The following LPAR6 variants were observed in gnomAD, a reference collection of about 807,000 sequenced individuals.
LPAR6 encodes the protein lysophosphatidic acid receptor 6.
A neutral mutation model predicts 22.0 loss-of-function variants in LPAR6; 17 were observed. That is an observed-to-expected ratio of 0.77 (90% CI 0.53 to 1.16). LPAR6 has a LOEUF of 1.16. LPAR6 is among the 50% of genes most tolerant of loss of function. The pLI is 0.00. For missense variants in LPAR6, 384 were observed against 406.9 expected (o/e 0.94, Z 0.48); for synonymous variants, 136 against 139.8 (o/e 0.97, Z 0.19).
At chr13:48,423,360 C>T (rs774719727) in intron 1 of LPAR6, among the ~76,000 whole-genome samples, 2 of 151,924 alleles carry the variant, frequency 1.3e-5, no homozygotes, top group African/African-American at 4.8e-5. Context: ...CTGCAACCTC[C>T]GCAGGTTGGG....
chr13:48,437,590 G>A (rs1949196919), intron 1 of LPAR6, among the ~76,000 whole-genome samples: 1 of 152,182 alleles, frequency 6.6e-6, no homozygotes, highest in African/African-American at 2.4e-5. Context: ...GTTCACTCGT[G>A]TGGTTGTTGG....
chr13:48,396,385 A>C (rs1948648423), intron 1 of LPAR6, among the ~76,000 whole-genome samples: 1 of 152,226 alleles, frequency 6.6e-6, no homozygotes, highest in Non-Finnish European at 1.5e-5. Flanking sequence ...TGACAAAAAC[A>C]ACCAATGGGG....
intron 1 of LPAR6, among the ~76,000 whole-genome samples, chr13:48,396,159 A>G (rs1237095849): frequency 6.6e-6 from 1 of 152,196 alleles, no homozygotes; most frequent in East Asian, 1.9e-4. Flanking sequence ...TAAATTTTAT[A>G]TAGAACCTAA....
At chr13:48,437,355 T>C (rs1269933369) in intron 1 of LPAR6, among the ~76,000 whole-genome samples, 3 of 152,210 alleles carry the variant, frequency 2.0e-5, no homozygotes, top group Non-Finnish European at 2.9e-5. Flanking sequence ...AAGTTAAGTA[T>C]TCCATGAAAT....
At chr13:48,399,734 C>G (rs979042235) in intron 1 of LPAR6, among the ~76,000 whole-genome samples, 3 of 151,950 alleles carry the variant, frequency 2.0e-5, no homozygotes, top group African/African-American at 4.8e-5. Context: ...TCATCCAGAT[C>G]TGTTTATGAT....
chr13:48,414,950 C>A (rs12430215), upstream of LPAR6, among the ~76,000 whole-genome samples: 1 of 151,774 alleles, frequency 6.6e-6, no homozygotes, highest in Non-Finnish European at 1.5e-5. Flanking sequence ...AGCTTGTATT[C>A]TCATTGGAAA....
Position 48,389,648 on chromosome 13 carries a change from T to A in LPAR6, n.279A>T, listed in dbSNP as rs406098. Reference sequence around the variant, plus strand: ...GGGTTGAACTTGACTGGGTGGTTTGTCTCCGACTATGTGTCAGCAGGTGCC... The same window carrying A: ...GGGTTGAACTTGACTGGGTGGTTTGACTCCGACTATGTGTCAGCAGGTGCC... On this transcript the variant is annotated non_coding_transcript_exon_variant, in exon 2 of 2. Transcript: ENST00000462781. 393 of 152,138 alleles carry A rather than the reference T, an allele frequency of 2.6e-3. 1 individual carries two copies. Among genetic ancestry groups the A allele is most frequent in the African/African-American group, 9.0e-3 (374 of 41,456 alleles). 9.4% of individuals were successfully genotyped at this position (152,138 alleles called of 1,614,324 possible). A position where few individuals can be genotyped will look rare whatever the true frequency, so the allele number is the denominator to read the frequency against.
chr13:48,433,787 A>G (rs933421249), intron 1 of LPAR6, among the ~76,000 whole-genome samples: 4 of 151,888 alleles, frequency 2.6e-5, no homozygotes, highest in African/African-American at 9.7e-5. Context: ...TGGCTTATTC[A>G]GATTTATTCC....
chr13:48,440,512 C>A (rs142329855), intron 1 of LPAR6, among the ~76,000 whole-genome samples: 4 of 152,080 alleles, frequency 2.6e-5, no homozygotes, highest in African/African-American at 9.7e-5. Flanking sequence ...GGCACATGAT[C>A]CAAAGTTTAA....
chr13:48,409,548 G>C (rs1593477580), downstream of LPAR6, among the ~76,000 whole-genome samples: 1 of 122,700 alleles, frequency 8.1e-6, no homozygotes, highest in Non-Finnish European at 1.7e-5. Context: ...TTCTTTTTTA[G>C]TTAACTTTGG....
intron 2 of LPAR6, among the ~76,000 whole-genome samples, chr13:48,421,004 T>C (rs1593499028): frequency 1.3e-5 from 2 of 152,148 alleles, no homozygotes; most frequent in Non-Finnish European, 2.9e-5. Flanking sequence ...CGAGCTACCA[T>C]TGACTTCCTT....
downstream of LPAR6, among the ~76,000 whole-genome samples, chr13:48,408,996 A>G (rs1948764433): frequency 6.6e-6 from 1 of 152,144 alleles, no homozygotes; most frequent in African/African-American, 2.4e-5. Flanking sequence ...ATGTTTAAGA[A>G]AGAGTGTATT....
intron 1 of LPAR6, among the ~76,000 whole-genome samples, chr13:48,425,693 G>GA (rs143703157): frequency 0.044 from 6,601 of 149,362 alleles, 354 homozygotes; most frequent in African/African-American, 0.13. Context: ...ACTCTTAAAG[G>GA]AAAAAAAAAA....
upstream of LPAR6, among the ~76,000 whole-genome samples, chr13:48,430,770 A>AAC (rs1566223583): frequency 4.4e-4 from 66 of 150,532 alleles, no homozygotes; most frequent in South Asian, 3.4e-3. Context: ...ACAAACAAAA[A>AAC]AAAAAAACAG....
chr13:48,423,430 A>T (rs1487348008), intron 1 of LPAR6, among the ~76,000 whole-genome samples: 1 of 152,114 alleles, frequency 6.6e-6, no homozygotes, highest in Non-Finnish European at 1.5e-5. Context: ...ATGTTTAAGG[A>T]TTTCTGATTT....
At chr13:48,433,729 A>G (rs1426772425) in intron 1 of LPAR6, among the ~76,000 whole-genome samples, 1 of 151,414 alleles carries the variant, frequency 6.6e-6, no homozygotes, top group Non-Finnish European at 1.5e-5. Flanking sequence ...TTACAAAACA[A>G]TGATATCTTT....
intron 2 of LPAR6, among the ~76,000 whole-genome samples, chr13:48,420,857 A>G (rs572012017): frequency 7.5e-4 from 115 of 152,332 alleles, no homozygotes; most frequent in Non-Finnish European, 1.2e-3. Context: ...TTCAAGAACT[A>G]CAAACTTCAC....
intron 1 of LPAR6, among the ~76,000 whole-genome samples, chr13:48,397,449 C>T (rs1453847128): frequency 6.6e-6 from 1 of 152,106 alleles, no homozygotes; most frequent in African/African-American, 2.4e-5. Flanking sequence ...ACAGTGAGAA[C>T]ACATGGACAC....
chr13:48,431,060 A>G (rs1020663725), upstream of LPAR6, among the ~76,000 whole-genome samples: 2 of 152,250 alleles, frequency 1.3e-5, no homozygotes, highest in East Asian at 1.9e-4. Flanking sequence ...ACATCAGTCC[A>G]TCATATGAAT....
Sources: allele counts gnomAD v4.1 joint callset (sites outside exome capture counted in the v4.1 genomes callset), GRCh38; gene constraint gnomAD v4.1.1; transcripts MANE v1.5; gene names NCBI Gene and HGNC (gene_info 2026-07-23, HGNC 2026-07-21).